SNTG2: variants seen among roughly 807,000 people sequenced by gnomAD.
SNTG2 encodes gamma-2-syntrophin.
SNTG2 carries 74 observed loss-of-function variants against 70.9 expected under a neutral mutation model. The ratio of observed to expected loss-of-function variants is 1.04; its 90% CI spans 0.86 to 1.27. The LOEUF (loss-of-function observed/expected upper bound fraction) is 1.27, where lower values mean the gene tolerates loss of function less well. Ranked by LOEUF, SNTG2 falls within the 50% of genes most tolerant of loss-of-function variation. SNTG2 has a pLI of 0.00. For missense variants in SNTG2, 717 were observed against 690.7 expected (o/e 1.04, Z -0.43); for synonymous variants, 278 against 273.8 (o/e 1.02, Z -0.15).
At chr2:951,527 A>G (rs867775291) in intron 1 of SNTG2, among the ~76,000 whole-genome samples, 31 of 152,180 alleles carry the variant, frequency 2.0e-4, no homozygotes, top group Non-Finnish European at 3.1e-4. Flanking sequence ...AGCCAGGTGC[A>G]TGGCGCGGCC....
intron 9 of SNTG2, among the ~76,000 whole-genome samples, chr2:1,228,647 T>C (rs1217476945): frequency 6.6e-6 from 1 of 152,218 alleles, no homozygotes; most frequent in African/African-American, 2.4e-5. Flanking sequence ...CGGCCACGGC[T>C]TCTGTTGCTC....
chr2:981,539 G>A (rs542907565), intron 1 of SNTG2, among the ~76,000 whole-genome samples: 1 of 152,104 alleles, frequency 6.6e-6, no homozygotes, highest in African/African-American at 2.4e-5. Context: ...AAACTCATGA[G>A]CACACACATG....
chr2:956,472 T>C (rs35244364), intron 1 of SNTG2, among the ~76,000 whole-genome samples: 26,564 of 152,308 alleles, frequency 0.17, 2,713 homozygotes, highest in Non-Finnish European at 0.24. Flanking sequence ...CTGCCTGCCC[T>C]GGCCCAGGGC....
intron 14 of SNTG2, among the ~76,000 whole-genome samples, chr2:1,268,943 T>C (rs541933542): frequency 6.6e-6 from 1 of 152,100 alleles, no homozygotes; most frequent in Non-Finnish European, 1.5e-5. Context: ...CCAGGGCCCA[T>C]GCCTGGCTGA....
intron 15 of SNTG2, among the ~76,000 whole-genome samples, chr2:1,311,623 T>C (rs1680994483): frequency 1.3e-5 from 2 of 152,210 alleles, no homozygotes; most frequent in African/African-American, 4.8e-5. Flanking sequence ...AACATCAATA[T>C]GATGAATGAT....
At chr2:1,083,377 C>T (rs989182565) in intron 1 of SNTG2, 141 bp from the exon 2 acceptor site, 27 of 624,416 alleles carry the variant, frequency 4.3e-5, no homozygotes, top group Admixed American at 6.7e-5. Flanking sequence ...AAATCCTTAT[C>T]GGTTGAGCAC....
At chr2:1,279,371 C>G (rs999625531) in intron 14 of SNTG2, among the ~76,000 whole-genome samples, 2 of 152,230 alleles carry the variant, frequency 1.3e-5, no homozygotes, top group East Asian at 1.9e-4. Flanking sequence ...ACCTAATTCA[C>G]AAGTTAAACT....
chr2:1,277,833 G>A (rs1320982202), intron 14 of SNTG2, among the ~76,000 whole-genome samples: 1 of 152,198 alleles, frequency 6.6e-6, no homozygotes, highest in Non-Finnish European at 1.5e-5. Context: ...TCCTCAGAGG[G>A]CAGCAGGGGC....
chr2:1,089,656 T>C (rs892417370), intron 2 of SNTG2, among the ~76,000 whole-genome samples: 1 of 152,166 alleles, frequency 6.6e-6, no homozygotes. Flanking sequence ...AATAATAGTT[T>C]ACATATGTTT....
At chr2:1,225,942 A>G (rs1558562561) in intron 9 of SNTG2, among the ~76,000 whole-genome samples, 1 of 152,112 alleles carries the variant, frequency 6.6e-6, no homozygotes, top group African/African-American at 2.4e-5. Context: ...GTATTCAGTG[A>G]TCAGATTTTA....
At chr2:981,425 C>T (rs932870297) in intron 1 of SNTG2, among the ~76,000 whole-genome samples, 1 of 150,536 alleles carries the variant, frequency 6.6e-6, no homozygotes, top group African/African-American at 2.4e-5. Context: ...TCCACAAGCA[C>T]ATGTGCACAC....
intron 1 of SNTG2, among the ~76,000 whole-genome samples, chr2:1,064,618 G>A (rs34820713): frequency 0.18 from 26,835 of 151,988 alleles, 2,445 homozygotes; most frequent in South Asian, 0.22. Context: ...ATGGTAGTTG[G>A]TGATAGGAAA....
intron 12 of SNTG2, 59 bp from the exon 13 acceptor site, chr2:1,259,311 A>G: frequency 6.5e-7 from 1 of 1,541,052 alleles, no homozygotes; most frequent in Non-Finnish European, 9.0e-7. Context: ...GTAAATTTTT[A>G]AATTTTTCAA....
chr2:1,267,876 A>G (rs574885251), intron 14 of SNTG2, among the ~76,000 whole-genome samples: 1 of 152,312 alleles, frequency 6.6e-6, no homozygotes, highest in South Asian at 2.1e-4. Flanking sequence ...AGTTCCTGAG[A>G]AGTGATGACA....
intron 9 of SNTG2, among the ~76,000 whole-genome samples, chr2:1,236,082 G>A (rs985540164): frequency 2.0e-5 from 3 of 152,178 alleles, no homozygotes; most frequent in Admixed American, 2.0e-4. Flanking sequence ...TTAACCACTA[G>A]ATTAAGGTCA....
Position 1,176,386 on chromosome 2 carries a change from T to A in SNTG2, c.591+3203T>A, listed in dbSNP as rs183827717. ...TACCTGGGTAAAGAAATAACCTGTATAACAAGCCCCCATAACACAAGTTTA... is the reference window on the plus strand; with the variant it reads ...TACCTGGGTAAAGAAATAACCTGTAAAACAAGCCCCCATAACACAAGTTTA... On this transcript the variant is annotated intron_variant, in intron 8 of 16. Coordinates refer to ENST00000308624, the MANE Select transcript of SNTG2 (RefSeq NM_018968.4). 2.2e-3 allele frequency among the ~76,000 whole-genome samples: 298 copies of A among 135,552 alleles called. 4 individuals are homozygous for A. Among genetic ancestry groups the A allele is most frequent in the African/African-American group, 7.5e-3 (283 of 37,680 alleles). 88.9% of individuals were successfully genotyped at this position (135,552 alleles called of 152,430 possible).
At chr2:1,323,686 C>T (rs1284717911) in intron 16 of SNTG2, among the ~76,000 whole-genome samples, 1 of 151,262 alleles carries the variant, frequency 6.6e-6, no homozygotes, top group African/African-American at 2.4e-5. Flanking sequence ...CTGAGACCCC[C>T]TAGTAGGCTG....
intron 12 of SNTG2, among the ~76,000 whole-genome samples, chr2:1,258,618 T>C (rs1169767269): frequency 2.0e-5 from 3 of 152,204 alleles, no homozygotes; most frequent in Non-Finnish European, 2.9e-5. Context: ...GCACTTTGGA[T>C]TATTTTTACT....
intron 13 of SNTG2, among the ~76,000 whole-genome samples, chr2:1,259,689 TTG>T (rs1678315026): frequency 6.6e-6 from 1 of 152,118 alleles, no homozygotes; most frequent in African/African-American, 2.4e-5. Flanking sequence ...TATGTGGTGT[TTG>T]TGTGTGTTTT....
Sources: gnomAD v4.1 joint callset for allele counts (sites outside exome capture counted in the v4.1 genomes callset) on GRCh38, gnomAD v4.1.1 for gene constraint, MANE v1.5 for transcripts, NCBI Gene and HGNC (gene_info 2026-07-23, HGNC 2026-07-21) for gene names.